The following GRIA2 variants were observed in gnomAD, a reference collection of about 807,000 sequenced individuals.
GRIA2 encodes glutamate receptor 2.
Under a neutral mutation model 97.3 loss-of-function variants are expected in GRIA2, and 14 were observed. That is an observed-to-expected ratio of 0.14 (90% CI 0.10 to 0.23). GRIA2 has a LOEUF of 0.23. Ranked by LOEUF, GRIA2 falls within the 10% of genes least tolerant of loss-of-function variation. The probability of loss-of-function intolerance (pLI) is 1.00; values close to 1 mark genes in which losing one functional copy is unlikely to be tolerated. For synonymous variants in GRIA2, 412 were observed against 387.8 expected (o/e 1.06, Z -0.73); for missense variants, 558 against 1,069.8 (o/e 0.52, Z 6.67).
intron 11 of GRIA2, among the ~76,000 whole-genome samples, chr4:157,337,343 T>TAC: frequency 6.6e-6 from 1 of 152,166 alleles, no homozygotes; most frequent in South Asian, 2.1e-4. Context: ...CGAATGGTAA[T>TAC]ACACACACAC....
intron 3 of GRIA2, among the ~76,000 whole-genome samples, chr4:157,307,323 T>C (rs977839230): frequency 6.6e-6 from 1 of 152,210 alleles, no homozygotes; most frequent in Non-Finnish European, 1.5e-5. Context: ...TATACCACTT[T>C]TAAACAATTA....
chr4:157,263,498 T>C (rs568820670), intron 2 of GRIA2, among the ~76,000 whole-genome samples: 1 of 152,240 alleles, frequency 6.6e-6, no homozygotes, highest in East Asian at 1.9e-4. Flanking sequence ...TCATGTATTA[T>C]AATTCTATTC....
intron 2 of GRIA2, among the ~76,000 whole-genome samples, chr4:157,227,076 T>C (rs894907941): frequency 6.6e-6 from 1 of 152,180 alleles, no homozygotes; most frequent in African/African-American, 2.4e-5. Flanking sequence ...TATTTTGAGA[T>C]GAGAGAAACT....
intron 2 of GRIA2, among the ~76,000 whole-genome samples, chr4:157,276,956 A>T (rs879287834): frequency 1.7e-4 from 26 of 151,958 alleles, no homozygotes; most frequent in Non-Finnish European, 3.4e-4. Context: ...GGCCCAGATA[A>T]GTTTACTGGT....
intron 2 of GRIA2, among the ~76,000 whole-genome samples, chr4:157,258,181 C>T (rs1400118900): frequency 2.0e-5 from 3 of 152,038 alleles, no homozygotes; most frequent in African/African-American, 7.2e-5. Context: ...CAGCAATGTT[C>T]AGGGAACAAG....
intron 2 of GRIA2, among the ~76,000 whole-genome samples, chr4:157,292,643 C>G (rs1239062532): frequency 6.6e-6 from 1 of 151,916 alleles, no homozygotes; most frequent in East Asian, 1.9e-4. Flanking sequence ...AAAGGGTAAT[C>G]TAATAGTAAA....
chr4:157,319,343 G>A (rs958708316), intron 5 of GRIA2, among the ~76,000 whole-genome samples: 19 of 152,122 alleles, frequency 1.2e-4, no homozygotes, highest in Non-Finnish European at 2.5e-4. Context: ...GACAGAAGGT[G>A]GCTCCTCAAT....
chr4:157,272,797 G>A (rs1313340659), intron 2 of GRIA2, among the ~76,000 whole-genome samples: 1 of 152,036 alleles, frequency 6.6e-6, no homozygotes, highest in African/African-American at 2.4e-5. Context: ...CTCAACACTG[G>A]CCTCTGCCAA....
intron 2 of GRIA2, among the ~76,000 whole-genome samples, chr4:157,241,430 C>G (rs930198635): frequency 2.0e-5 from 3 of 152,030 alleles, no homozygotes; most frequent in Non-Finnish European, 4.4e-5. Flanking sequence ...AATTTGAAAA[C>G]AGATTCCCCC....
chr4:157,293,248 T>A (rs1028217234), intron 2 of GRIA2, among the ~76,000 whole-genome samples: 1 of 152,184 alleles, frequency 6.6e-6, no homozygotes, highest in African/African-American at 2.4e-5. Context: ...GATGTATGTA[T>A]TCACATGTTC....
intron 15 of GRIA2, 168 bp from the exon 16 acceptor site, chr4:157,363,267 A>G: frequency 1.7e-6 from 1 of 600,432 alleles, no homozygotes; most frequent in East Asian, 2.8e-5. Context: ...TCCTGCCATA[A>G]TTGTGCTTTA....
chr4:157,316,875 G>A (rs1415263391), intron 4 of GRIA2, among the ~76,000 whole-genome samples: 1 of 152,124 alleles, frequency 6.6e-6, no homozygotes, highest in African/African-American at 2.4e-5. Flanking sequence ...CTAAAGCATG[G>A]CCAGTTTGCC....
intron 8 of GRIA2, among the ~76,000 whole-genome samples, chr4:157,333,646 C>G (rs1735157640): frequency 6.6e-6 from 1 of 151,950 alleles, no homozygotes; most frequent in Non-Finnish European, 1.5e-5. Context: ...GTTTACAGTT[C>G]AGAAGACAAA....
At chr4:157,272,073 T>C (rs530139956) in intron 2 of GRIA2, among the ~76,000 whole-genome samples, 1 of 151,972 alleles carries the variant, frequency 6.6e-6, no homozygotes, top group Non-Finnish European at 1.5e-5. Context: ...CAGCTGTGAG[T>C]TGTTTGTTTT....
rs149078994 is a variant in GRIA2 at position 157,324,666 on chromosome 4, A to G, written c.882+3067A>G. Among the ~76,000 whole-genome samples, 942 of 152,298 alleles carry G rather than the reference A, an allele frequency of 6.2e-3. 8 individuals carry two copies. The highest frequency in any genetic ancestry group is 0.021 in the African/African-American group (871 of 41,574). On this transcript the variant is annotated intron_variant, in intron 6 of 15. Coordinates refer to ENST00000264426, the MANE Select transcript of GRIA2 (RefSeq NM_001083619.3). ...ACATTTGTTGCTACTGCAAAAATGT[A>G]AATATTTGGGACCAGTGAGGAGGGA...
At chr4:157,266,953 G>T (rs957438437) in intron 2 of GRIA2, among the ~76,000 whole-genome samples, 2 of 151,986 alleles carry the variant, frequency 1.3e-5, no homozygotes, top group African/African-American at 4.8e-5. Flanking sequence ...TCAGCTACTC[G>T]AGTAGGCTCA....
At position 157,321,404 on chromosome 4, in the gene GRIA2, C is replaced by G. The variant is rs1168788571; in HGVS notation, c.721-34C>G. The G allele has an allele frequency of 2.6e-6, 4 of 1,529,924 alleles. No homozygotes were observed. The South Asian group carries it at 3.6e-5, about 14-fold the overall frequency. 94.8% of individuals were successfully genotyped at this position (1,529,924 alleles called of 1,614,324 possible). A position where few individuals can be genotyped will look rare whatever the true frequency, so the allele number is the denominator to read the frequency against. ...TGTTAAGTAGCATTTTGTTCTCAAA[C>G]AAAAAGCGTGATATCAATGTGTTCT... On this transcript the variant is annotated intron_variant, in intron 5 of 15. Transcript: ENST00000264426.
At chr4:157,233,276 T>C (rs1323777805) in intron 2 of GRIA2, among the ~76,000 whole-genome samples, 1 of 152,098 alleles carries the variant, frequency 6.6e-6, no homozygotes, top group East Asian at 1.9e-4. Flanking sequence ...GTTACTCGAG[T>C]AGTACTTTGA....
intron 12 of GRIA2, among the ~76,000 whole-genome samples, chr4:157,350,844 C>T (rs142641735): frequency 7.9e-4 from 119 of 151,490 alleles, no homozygotes; most frequent in African/African-American, 2.5e-3. Flanking sequence ...TGGTAAGCCT[C>T]ATGTATTCCA....
Sources: gnomAD v4.1 joint callset for allele counts (sites outside exome capture counted in the v4.1 genomes callset) on GRCh38, gnomAD v4.1.1 for gene constraint, MANE v1.5 for transcripts, NCBI Gene and HGNC (gene_info 2026-07-23, HGNC 2026-07-21) for gene names.